ZNF462: variants seen among roughly 807,000 people sequenced by gnomAD.
ZNF462 encodes zinc finger protein 462, also known as zinc finger PBX1-interacting protein.
A neutral mutation model predicts 201.9 loss-of-function variants in ZNF462; 10 were observed. That is an observed-to-expected ratio of 0.05 (90% CI 0.03 to 0.08). The LOEUF is 0.08. ZNF462 is among the 10% of genes least tolerant of loss of function. The probability of loss-of-function intolerance (pLI) is 1.00; values close to 1 mark genes in which losing one functional copy is unlikely to be tolerated. For missense variants in ZNF462, 2,523 were observed against 3,168.3 expected (o/e 0.80, Z 4.89); for synonymous variants, 1,227 against 1,193.3 (o/e 1.03, Z -0.58).
intron 1 of ZNF462, among the ~76,000 whole-genome samples, chr9:106,901,248 G>A (rs750432797): frequency 2.0e-5 from 3 of 152,006 alleles, no homozygotes; most frequent in Non-Finnish European, 4.4e-5. Context: ...ATTATTTCTG[G>A]GTTCTCTATT....
chr9:107,010,999 T>C lies in ZNF462; in HGVS notation c.7490T>C (p.Leu2497Pro). The change falls in exon 13 of 13, where the codon CTC becomes CCC. Residue 2497 changes from leucine to proline, a missense_variant. Around this residue, in one of 15 missense-constraint regions of ZNF462, gnomAD observed 67 missense variants for 63.2 expected, o/e 1.06. Transcript: ENST00000277225. The surrounding 1 kb of genome is among the most constrained non-coding windows in gnomAD (Gnocchi z 4.6). ...TGTGTAGTAACTGCCGACAAATCTC[T>C]CCTGGAGAATGCAGAGGCCAAAAAA... ...AICVVTADKS[L>P]LENAEAKKE 2 of 1,613,582 alleles carry C rather than the reference T, an allele frequency of 1.2e-6. No individual in the cohort carries two copies. Among genetic ancestry groups the C allele is most frequent in the South Asian group, 2.2e-5 (2 of 91,066 alleles).
In ZNF462 at chr9:106,932,643, G is replaced by GC; in HGVS notation, c.6116+98dup. 1 of 1,512,106 alleles carries GC rather than the reference G, an allele frequency of 6.6e-7. No homozygotes were observed. The allele number at this position is 1,512,106 out of a possible 1,614,324, so 93.7% of individuals were successfully genotyped here. On this transcript the variant is annotated intron_variant, in intron 5 of 12. Transcript: ENST00000277225. This position sits in a 1 kb window ranked among gnomAD's most constrained non-coding sequence, Gnocchi z 6.8. ...AGCAGAAGCTTGGATGAGTAAGAAG[G>GC]CCCCACTCATGGTTCACACCTGCTG...
In ZNF462 at chr9:106,917,833, G is replaced by A. The variant is rs1829834522; in HGVS notation, c.-30-5521G>A. 6.7e-6 allele frequency among the ~76,000 whole-genome samples: 1 copy of A among 150,148 alleles called. No individual in the cohort carries two copies. Among genetic ancestry groups the A allele is most frequent in the Non-Finnish European group, 1.5e-5 (1 of 67,496 alleles). ...AGTTGCTTGTTGGTTTATTTTGCTG[G>A]TTTATTATTTTTTTATATTTATTTA... On this transcript the variant is annotated intron_variant, in intron 1 of 12. Coordinates refer to ENST00000277225, the MANE Select transcript of ZNF462 (RefSeq NM_021224.6). This position sits in a 1 kb window ranked among gnomAD's most constrained non-coding sequence, Gnocchi z 4.5.
chr9:107,012,012 T>C lies in ZNF462; in HGVS notation c.*982T>C, dbSNP rs1296694392. 2 of 152,052 alleles carry C rather than the reference T, an allele frequency of 1.3e-5. No individual in the cohort carries two copies. The highest frequency in any genetic ancestry group is 2.1e-4 in the South Asian group (1 of 4,830). 9.4% of individuals were successfully genotyped at this position (152,052 alleles called of 1,614,324 possible). A position where few individuals can be genotyped will look rare whatever the true frequency, so the allele number is the denominator to read the frequency against. ...ATTGTTTTTCGTGTGTGTGTTGTTATTGTTGTTTTAATTTCGGGGCAAGGG... is the reference window on the plus strand; with the variant it reads ...ATTGTTTTTCGTGTGTGTGTTGTTACTGTTGTTTTAATTTCGGGGCAAGGG... On this transcript the variant is annotated 3_prime_UTR_variant, in exon 13 of 13. Transcript: ENST00000277225.
chr9:106,890,286 G>A lies in ZNF462; in HGVS notation c.-31+26931G>A, dbSNP rs1335254984. 1.3e-5 allele frequency among the ~76,000 whole-genome samples: 2 copies of A among 152,214 alleles called. No homozygotes were observed. The highest frequency in any genetic ancestry group is 2.9e-5 in the Non-Finnish European group (2 of 68,038). Reference sequence around the variant, plus strand: ...CTATGTTCCACAATCATTTGTGTGTGTGGACCTCAAGAATTTCAGTCAACC... The same window carrying A: ...CTATGTTCCACAATCATTTGTGTGTATGGACCTCAAGAATTTCAGTCAACC... On this transcript the variant is annotated intron_variant, in intron 1 of 12. Transcript: ENST00000277225. The surrounding 1 kb of genome is among the most constrained non-coding windows in gnomAD (Gnocchi z 4.2).
chr9:106,940,380 C>G (rs1366350753), intron 7 of ZNF462, among the ~76,000 whole-genome samples: 1 of 152,102 alleles, frequency 6.6e-6, no homozygotes, highest in Non-Finnish European at 1.5e-5. Flanking sequence ...GTGTTTAAAA[C>G]AAGAGACTCT....
intron 10 of ZNF462, among the ~76,000 whole-genome samples, chr9:107,001,004 C>T (rs1829146200): frequency 6.6e-6 from 1 of 152,064 alleles, no homozygotes; most frequent in Non-Finnish European, 1.5e-5. Flanking sequence ...TTTGAGGATT[C>T]TTCTTTGGTC....
intron 7 of ZNF462, among the ~76,000 whole-genome samples, chr9:106,956,708 A>T (rs532190758): frequency 6.6e-6 from 1 of 152,320 alleles, no homozygotes; most frequent in African/African-American, 2.4e-5. Flanking sequence ...TCTTCTGGAT[A>T]ATCTGCTGCA....
intron 7 of ZNF462, among the ~76,000 whole-genome samples, chr9:106,971,041 T>A (rs957563933): frequency 6.6e-6 from 1 of 152,186 alleles, no homozygotes; most frequent in Non-Finnish European, 1.5e-5. Flanking sequence ...TGAATAAATC[T>A]CCATCTTAAT....
In ZNF462 at chr9:106,977,995, C is replaced by G. The variant is rs1428037591; in HGVS notation, c.6832+3722C>G. The stretch of plus-strand genomic sequence containing the variant: ...TAGCTTCTGACAGCTCCCAGCGTTC[C>G]TTGACGCTACTTGGCTTATAGCTGC... On this transcript the variant is annotated intron_variant, in intron 9 of 12. Transcript: ENST00000277225. The surrounding 1 kb of genome is among the most constrained non-coding windows in gnomAD (Gnocchi z 4.6). 6.6e-6 allele frequency among the ~76,000 whole-genome samples: 1 copy of G among 151,552 alleles called. No individual in the cohort carries two copies. The highest frequency in any genetic ancestry group is 2.4e-5 in the African/African-American group (1 of 40,834).
rs150799506 is a variant in ZNF462, at chr9:106,929,568, C to T, written c.5656C>T (p.Arg1886Cys). 4.4e-5 allele frequency: 71 copies of T among 1,614,084 alleles called. No individual in the cohort carries two copies. Among genetic ancestry groups the T allele is most frequent in the Non-Finnish European group, 5.7e-5 (67 of 1,180,050 alleles). The change falls in exon 3 of 13, where the codon CGC becomes TGC. Residue 1886 changes from arginine to cysteine, a missense_variant. Arg to Cys is a radical substitution (Grantham distance 180). Coordinates refer to ENST00000277225, the MANE Select transcript of ZNF462 (RefSeq NM_021224.6). The surrounding 1 kb of genome is among the most constrained non-coding windows in gnomAD (Gnocchi z 8.7). Reference protein sequence around the residue: ...RDFIILGNGPRLQNSTYQCKH... With the variant: ...RDFIILGNGPCLQNSTYQCKH... ...CTTCATCATTCTGGGCAACGGCCCC[C>T]GCTTGCAGAACTCCACCTACCAGTG...
In ZNF462 at chr9:107,011,284, C is replaced by G; in HGVS notation, c.*254C>G. 2.3e-6 allele frequency: 1 copy of G among 443,154 alleles called. No homozygotes were observed. The highest frequency in any genetic ancestry group is 4.4e-5 in the East Asian group (1 of 22,838). 27.5% of individuals were successfully genotyped at this position (443,154 alleles called of 1,614,324 possible). On this transcript the variant is annotated 3_prime_UTR_variant, in exon 13 of 13. Coordinates refer to ENST00000277225, the MANE Select transcript of ZNF462 (RefSeq NM_021224.6). This position sits in a 1 kb window ranked among gnomAD's most constrained non-coding sequence, Gnocchi z 5.6. ...TTCCGGATCTTCATCATGGAAGTTT[C>G]ATTTGTTGCGGAATATGGAAGCACC...
Position 106,919,650 on chromosome 9 carries a change from A to G in ZNF462, c.-30-3704A>G, listed in dbSNP as rs970254212. On this transcript the variant is annotated intron_variant, in intron 1 of 12. Transcript: ENST00000277225. This position sits in a 1 kb window ranked among gnomAD's most constrained non-coding sequence, Gnocchi z 4.5. ...TCAAACTGTAAATGCAAACTGAACAAACCAGCAACGAATAAGTAGTACTAA... is the reference window on the plus strand; with the variant it reads ...TCAAACTGTAAATGCAAACTGAACAGACCAGCAACGAATAAGTAGTACTAA... Among the ~76,000 whole-genome samples, 1 of 152,228 alleles carries G rather than the reference A, an allele frequency of 6.6e-6. No homozygotes were observed. The highest frequency in any genetic ancestry group is 2.4e-5 in the African/African-American group (1 of 41,464).
At chr9:106,922,411 G>A (rs1161782783) in intron 1 of ZNF462, among the ~76,000 whole-genome samples, 1 of 152,192 alleles carries the variant, frequency 6.6e-6, no homozygotes, top group Non-Finnish European at 1.5e-5. Context: ...GCAGAATGAA[G>A]GTAGCTGGGC....
chr9:106,932,428 G>A lies in ZNF462; in HGVS notation c.6013-18G>A. The A allele has an allele frequency of 6.2e-7, 1 of 1,614,244 alleles. No homozygotes were observed. Among genetic ancestry groups the A allele is most frequent in the Admixed American group, 1.7e-5 (1 of 60,028 alleles). On this transcript the variant is annotated intron_variant, in intron 4 of 12. Coordinates refer to ENST00000277225, the MANE Select transcript of ZNF462 (RefSeq NM_021224.6). This position sits in a 1 kb window ranked among gnomAD's most constrained non-coding sequence, Gnocchi z 6.8. ...ATACCATTGCAGTCAATGTGACAGA[G>A]TCCTGATGTCCATGCAGGGGCTGCG...
Position 106,906,689 on chromosome 9 carries a change from A to G in ZNF462, c.-30-16665A>G, listed in dbSNP as rs527307705. On this transcript the variant is annotated intron_variant, in intron 1 of 12. Coordinates refer to ENST00000277225, the MANE Select transcript of ZNF462 (RefSeq NM_021224.6). ...AAAGTTGAGTTTATTGATAACTAGT[A>G]CTTTATCAGTCACCCCAGTTGTTTT... Among the ~76,000 whole-genome samples the G allele has an allele frequency of 3.3e-5, 5 of 152,322 alleles. No homozygotes were observed. In the East Asian group the frequency reaches 9.6e-4, roughly 29 times the overall value.
intron 1 of ZNF462, among the ~76,000 whole-genome samples, chr9:106,894,247 CT>C (rs1265142979): frequency 5.9e-5 from 9 of 152,194 alleles, no homozygotes; most frequent in Non-Finnish European, 1.3e-4. Flanking sequence ...CAAAACAACC[CT>C]TGTTGGCTGA....
chr9:106,974,165 G>C lies in ZNF462; in HGVS notation c.6724G>C (p.Gly2242Arg), dbSNP rs1826818048. The change falls in exon 9 of 13, where the codon GGG becomes CGG. Residue 2242 changes from glycine to arginine, a missense_variant. Physicochemically the swap from Gly to Arg is moderately radical, Grantham distance 125. Around this residue, in one of 15 missense-constraint regions of ZNF462, gnomAD observed 228 missense variants for 361.2 expected, o/e 0.63. Transcript: ENST00000277225. The surrounding 1 kb of genome is among the most constrained non-coding windows in gnomAD (Gnocchi z 4.0). ...TGCTTTTACTATGCACGTGGAAGCT[G>C]GGCACTCAGCAGTTCCCGAGGAGGG... The part of the protein sequence containing the change: ...KSAFTMHVEA[G>R]HSAVPEEGPK... 2 of 1,614,126 alleles carry C rather than the reference G, an allele frequency of 1.2e-6. No homozygotes were observed. The highest frequency in any genetic ancestry group is 1.7e-5 in the Admixed American group (1 of 60,018).
At chr9:107,004,303 C>G (rs976007686) in intron 11 of ZNF462, among the ~76,000 whole-genome samples, 18 of 152,292 alleles carry the variant, frequency 1.2e-4, no homozygotes, top group African/African-American at 4.3e-4. Flanking sequence ...GTTGCCATTA[C>G]TGAGCATCAT....
Sources: allele counts gnomAD v4.1 joint callset (sites outside exome capture counted in the v4.1 genomes callset), GRCh38; gene constraint gnomAD v4.1.1; regional missense constraint gnomAD v4.1.1; non-coding constraint Gnocchi (gnomAD v3.1); transcripts MANE v1.5; gene names NCBI Gene and HGNC (gene_info 2026-07-23, HGNC 2026-07-21).